The following RNF123 variants were observed in gnomAD, a reference collection of about 807,000 sequenced individuals.
RNF123 encodes the protein ring finger protein 123.
Under a neutral mutation model 168.5 loss-of-function variants are expected in RNF123, and 86 were observed. That is an observed-to-expected ratio of 0.51 (90% CI 0.43 to 0.61). RNF123 has a LOEUF of 0.61. Among genes scored for constraint, RNF123 ranks in the 20% least tolerant of loss-of-function variants. The pLI is 0.00. For synonymous variants in RNF123, 666 were observed against 689.1 expected (o/e 0.97, Z 0.52); for missense variants, 1,419 against 1,729.7 (o/e 0.82, Z 3.19).
chr3:49,703,943 G>C (rs941124620), intron 21 of RNF123, among the ~76,000 whole-genome samples: 4 of 152,214 alleles, frequency 2.6e-5, no homozygotes, highest in Non-Finnish European at 5.9e-5. Flanking sequence ...GAGTGCAGGG[G>C]CTGAGAGACA....
rs962191852 is a variant in RNF123 at position 49,716,444 on chromosome 3, T to C, written c.3467T>C (p.Leu1156Pro). 6.2e-6 allele frequency: 10 copies of C among 1,613,976 alleles called. No homozygotes were observed. In the Admixed American group the frequency reaches 6.7e-5, roughly 11 times the overall value. The change falls in exon 35 of 39, where the codon CTG becomes CCG. Residue 1156 changes from leucine to proline, a missense_variant. Coordinates refer to ENST00000327697, the MANE Select transcript of RNF123 (RefSeq NM_022064.5). ...YPILVAVTGI[L>P]VQLLVRGPAS... ...ATTCTGGTGGCAGTGACGGGCATCC[T>C]GGTGCAGCTCCTGGTGCGTGGCCCA...
At chr3:49,703,995 A>T (rs1235322007) in intron 21 of RNF123, among the ~76,000 whole-genome samples, 1 of 152,134 alleles carries the variant, frequency 6.6e-6, no homozygotes, top group Non-Finnish European at 1.5e-5. Flanking sequence ...GGGCCTGCCC[A>T]GGTAGGTAGG....
Position 49,715,841 on chromosome 3 carries a change from G to C in RNF123, c.3170G>C (p.Arg1057Pro), listed in dbSNP as rs768038976. 1.9e-6 allele frequency: 3 copies of C among 1,613,986 alleles called. No individual in the cohort carries two copies. In the Admixed American group the frequency reaches 5.0e-5, roughly 27 times the overall value. Residue 1057 changes from arginine (R) to proline (P), a missense_variant, in exon 33 of 39, where the codon CGC (arginine) becomes CCC (proline). This residue lies in a region of RNF123 where 538 missense variants were observed against 708.8 expected (regional missense o/e 0.76). Transcript: ENST00000327697. ...GCTCAGATCCAGCAGGCTGCTGAGCGCCTGGAGCGGAACTTTGTGGACAGC... is the reference window on the plus strand; with the variant it reads ...GCTCAGATCCAGCAGGCTGCTGAGCCCCTGGAGCGGAACTTTGTGGACAGC... ...MIQEIQQAAE[R>P]LERNFVDSRQ...
At chr3:49,702,840 G>T in intron 20 of RNF123, 87 bp downstream of exon 20, 2 of 1,578,996 alleles carry the variant, frequency 1.3e-6, no homozygotes, top group Non-Finnish European at 1.7e-6. Context: ...GTGCTGAGCT[G>T]AGGCTGTGGG....
Position 49,716,947 on chromosome 3 carries a change from C to G in RNF123, c.3500+470C>G, listed in dbSNP as rs1412935430. ...CCCCCACACATGAAGGGCTCCCAGA[C>G]CCCCCTTCCCTGCCCCCCTGCAGTG... On this transcript the variant is annotated intron_variant, in intron 35 of 38. Transcript: ENST00000327697. 3.1e-5 allele frequency: 5 copies of G among 160,162 alleles called. No homozygotes were observed. In the East Asian group the frequency reaches 7.4e-4, roughly 24 times the overall value. The allele number at this position is 160,162 out of a possible 1,614,324, so 9.9% of individuals were successfully genotyped here. A position where few individuals can be genotyped will look rare whatever the true frequency, so the allele number is the denominator to read the frequency against.
In RNF123 at chr3:49,704,462, C is replaced by T. The variant is rs147272863; in HGVS notation, c.1853-188C>T. 5.3e-5 allele frequency among the ~76,000 whole-genome samples: 8 copies of T among 152,212 alleles called. No individual in the cohort carries two copies. The East Asian group carries it at 1.5e-3, about 29-fold the overall frequency. The stretch of plus-strand genomic sequence containing the variant: ...CTCCTGTTACTGAGTGGCAGCTAGA[C>T]GGGGCCCTTGAGATGCAGAGTGAAG... On this transcript the variant is annotated intron_variant, in intron 21 of 38. Transcript: ENST00000327697.
Position 49,714,087 on chromosome 3 carries a change from C to T in RNF123, c.2926-3C>T, listed in dbSNP as rs200829190. The T allele has an allele frequency of 5.5e-5, 88 of 1,614,088 alleles. 1 individual carries two copies. The East Asian group carries it at 1.1e-3, about 20-fold the overall frequency. On this transcript the variant is annotated splice_polypyrimidine_tract_variant and splice_region_variant and intron_variant, in intron 30 of 38. Coordinates refer to ENST00000327697, the MANE Select transcript of RNF123 (RefSeq NM_022064.5). Reference sequence around the variant, plus strand: ...ACCTGGGCACTGACCCCCACCTCCACAGGGCTGTGGCTTCGGGTACCGCTA... The same window carrying T: ...ACCTGGGCACTGACCCCCACCTCCATAGGGCTGTGGCTTCGGGTACCGCTA...
chr3:49,712,591 C>T lies in RNF123; in HGVS notation c.2609C>T (p.Ala870Val), dbSNP rs1324882668. The T allele has an allele frequency of 3.1e-6, 5 of 1,614,074 alleles. No homozygotes were observed. The highest frequency in any genetic ancestry group is 4.2e-6 in the Non-Finnish European group (5 of 1,180,038). ...ATGCCCGAGTTCTACCTGAGCGTGG[C>T]CATCAACAGCTACAGTGCTCTCAAG... ...AFMPEFYLSV[A>V]INSYSALKNY... The change falls in exon 27 of 39, where the codon GCC becomes GTC. Residue 870 changes from alanine (A) to valine (V), a missense_variant. Ala to Val is a moderately conservative substitution (Grantham distance 64). Coordinates refer to ENST00000327697, the MANE Select transcript of RNF123 (RefSeq NM_022064.5).
rs2080278652 is a variant in RNF123, at chr3:49,717,865, C to T, written c.3500+1388C>T. 4 of 1,429,504 alleles carry T rather than the reference C, an allele frequency of 2.8e-6. No individual in the cohort carries two copies. The Admixed American group carries it at 8.1e-5, about 29-fold the overall frequency. 88.6% of individuals were successfully genotyped at this position (1,429,504 alleles called of 1,614,324 possible). On this transcript the variant is annotated intron_variant, in intron 35 of 38. Coordinates refer to ENST00000327697, the MANE Select transcript of RNF123 (RefSeq NM_022064.5). ...GGGGGCCAGGCACAGTGCTTCCCACCAGTATCTGCCAGTTCTCTGGACCGA... is the reference window on the plus strand; with the variant it reads ...GGGGGCCAGGCACAGTGCTTCCCACTAGTATCTGCCAGTTCTCTGGACCGA...
chr3:49,707,470 CAGAT>C (rs887612868), intron 26 of RNF123, among the ~76,000 whole-genome samples: 7 of 152,322 alleles, frequency 4.6e-5, no homozygotes, highest in Admixed American at 2.0e-4. Flanking sequence ...GATGGACAGA[CAGAT>C]GGATGGGGCA....
chr3:49,717,703 A>T lies in RNF123; in HGVS notation c.3500+1226A>T, dbSNP rs1403629936. The T allele has an allele frequency of 3.3e-5, 19 of 582,938 alleles. No homozygotes were observed. The South Asian group carries it at 3.8e-4, about 12-fold the overall frequency. 36.1% of individuals were successfully genotyped at this position (582,938 alleles called of 1,614,324 possible). ...CTAGGAAGTCCGCGGGAAAGCAGGA[A>T]CTAGCACACCTTGCAGGGCCTGGGG... is the stretch of plus-strand genomic sequence containing the variant. On this transcript the variant is annotated intron_variant, in intron 35 of 38. Coordinates refer to ENST00000327697, the MANE Select transcript of RNF123 (RefSeq NM_022064.5).
rs1411323521 is a variant in RNF123, at chr3:49,714,074, AC to A, written c.2926-11del. The A allele has an allele frequency of 6.2e-7, 1 of 1,613,780 alleles. No individual in the cohort carries two copies. Among genetic ancestry groups the A allele is most frequent in the South Asian group, 1.1e-5 (1 of 91,070 alleles). Reference sequence around the variant, plus strand: ...CGCTGTCCCATTGACCTGGGCACTGACCCCCACCTCCACAGGGCTGTGGCTT... The same window carrying A: ...CGCTGTCCCATTGACCTGGGCACTGACCCCACCTCCACAGGGCTGTGGCTT... On this transcript the variant is annotated splice_polypyrimidine_tract_variant and intron_variant, in intron 30 of 38. Coordinates refer to ENST00000327697, the MANE Select transcript of RNF123 (RefSeq NM_022064.5).
chr3:49,692,839 T>G (rs566020516), intron 3 of RNF123, among the ~76,000 whole-genome samples: 14 of 152,370 alleles, frequency 9.2e-5, no homozygotes, highest in Non-Finnish European at 1.9e-4. Flanking sequence ...TACTCCGTTG[T>G]GTATATGTAC....
Position 49,708,408 on chromosome 3 carries a change from C to A in RNF123, c.2496+1510C>A, listed in dbSNP as rs982902076. Among the ~76,000 whole-genome samples the A allele has an allele frequency of 4.6e-5, 7 of 152,248 alleles. No individual in the cohort carries two copies. The South Asian group carries it at 1.4e-3, about 32-fold the overall frequency. On this transcript the variant is annotated intron_variant, in intron 26 of 38. Coordinates refer to ENST00000327697, the MANE Select transcript of RNF123 (RefSeq NM_022064.5). ...CCCTTCCCCAGCTTCCCTGACAGCT[C>A]CCACCCATCCCCACCTGTCAGCAGA...
intron 32 of RNF123, 34 bp downstream of exon 32, chr3:49,715,748 G>T (rs773202996): frequency 1.4e-5 from 23 of 1,614,098 alleles, no homozygotes; most frequent in Non-Finnish European, 1.9e-5. Context: ...GGTTAGGGTG[G>T]TGCAAGGGAT....
rs1575526758 is a variant in RNF123, at chr3:49,702,154, T to C, written c.1557+10T>C. 1 of 1,613,652 alleles carries C rather than the reference T, an allele frequency of 6.2e-7. No homozygotes were observed. ...TAAAGATGACAATGGGGTGAGTGAC[T>C]CCCAGGAGCCCTGGGTGGGGCCCTG... On this transcript the variant is annotated intron_variant, in intron 18 of 38. Coordinates refer to ENST00000327697, the MANE Select transcript of RNF123 (RefSeq NM_022064.5).
chr3:49,713,820 G>A lies in RNF123; in HGVS notation c.2832G>A (p.Glu944=), dbSNP rs1381941637. Residue 944 remains glutamate, a synonymous_variant, in exon 29 of 39, where the codon GAG becomes GAA. Transcript: ENST00000327697. ...TGCGGGCTGTGGAGCGAATCCCCGAGGAGCAGTGAGTGGGGCCTGGGGGGC... is the reference window on the plus strand; with the variant it reads ...TGCGGGCTGTGGAGCGAATCCCCGAAGAGCAGTGAGTGGGGCCTGGGGGGC... ...HSLRAVERIP[E]EQRIAMVRNL... 6.2e-7 allele frequency: 1 copy of A among 1,613,196 alleles called. No individual in the cohort carries two copies. The highest frequency in any genetic ancestry group is 1.1e-5 in the South Asian group (1 of 91,048).
At chr3:49,697,845 G>A (rs753364404) in intron 5 of RNF123, 40 bp from the exon 6 acceptor site, 2 of 1,613,114 alleles carry the variant, frequency 1.2e-6, no homozygotes, top group Non-Finnish European at 1.7e-6. Context: ...GATGCTCTGT[G>A]TGCCTGGGAG....
At chr3:49,712,737 T>G (rs774319400) in intron 27 of RNF123, 81 bp downstream of exon 27, 3 of 1,497,992 alleles carry the variant, frequency 2.0e-6, no homozygotes, top group Non-Finnish European at 1.9e-6. Context: ...CTGAGACCTC[T>G]GTGGCCCAGC....
Sources: gnomAD v4.1 joint callset for allele counts (sites outside exome capture counted in the v4.1 genomes callset) on GRCh38, gnomAD v4.1.1 for gene constraint, gnomAD v4.1.1 regional missense constraint, MANE v1.5 for transcripts, NCBI Gene and HGNC (gene_info 2026-07-23, HGNC 2026-07-21) for gene names.